Variants in PCDHGB3 observed in about 807,000 individuals in gnomAD.
PCDHGB3 encodes the protein protocadherin gamma subfamily B, 3.
A neutral mutation model predicts 59.2 loss-of-function variants in PCDHGB3; 40 were observed. The ratio of observed to expected loss-of-function variants is 0.68; its 90% confidence interval spans 0.52 to 0.88. The LOEUF (loss-of-function observed/expected upper bound fraction) is 0.88. PCDHGB3 is among the 40% of genes least tolerant of loss of function. PCDHGB3 has a pLI of 0.00. For missense variants in PCDHGB3, 1,309 were observed against 1,187.9 expected, an observed-to-expected ratio of 1.10 and a Z score of -1.50; for synonymous variants, 581 against 503.6, an observed-to-expected ratio of 1.15 and a Z score of -2.06.
chr5:141,376,165 G>T (rs181247360), intron 1 of PCDHGB3: 1 of 1,614,018 alleles, frequency 6.2e-7, no homozygotes, highest in African/African-American at 1.3e-5. Context: ...TGTACCTGGT[G>T]GTGGCGGTGG....
intron 1 of PCDHGB3, chr5:141,385,087 G>C: frequency 6.2e-7 from 1 of 1,614,234 alleles, no homozygotes; most frequent in Non-Finnish European, 8.5e-7. Flanking sequence ...GGCTTCAGAA[G>C]GTGGCTTGGC....
At chr5:141,446,069 C>T (rs552817495) in intron 1 of PCDHGB3, among the ~76,000 whole-genome samples, 1 of 152,102 alleles carries the variant, frequency 6.6e-6, no homozygotes, top group South Asian at 2.1e-4. Flanking sequence ...AAAGGGGAGG[C>T]AGTGGATGTA....
intron 1 of PCDHGB3, chr5:141,410,606 G>C: frequency 1.2e-6 from 2 of 1,607,214 alleles, no homozygotes; most frequent in Non-Finnish European, 1.7e-6. Flanking sequence ...TTCACATCCT[G>C]AGACTCTGAC....
rs761126985 is a variant in PCDHGB3 at position 141,431,245 on chromosome 5, C to G, written c.2415+58436C>G. ...TACCCCACGCCTGGGATCCGGATAT[C>G]GGGAAGAACTCTCTGCAGAGCTACG... is the stretch of plus-strand genomic sequence containing the variant. On this transcript the variant is annotated intron_variant, in intron 1 of 3. Transcript: ENST00000576222. This position sits in a 1 kb window ranked among gnomAD's most constrained non-coding sequence, Gnocchi z 4.8. 1.2e-6 allele frequency: 2 copies of G among 1,614,016 alleles called. No homozygotes were observed. Among genetic ancestry groups the G allele is most frequent in the Non-Finnish European group, 1.7e-6 (2 of 1,180,046 alleles).
intron 1 of PCDHGB3, chr5:141,394,762 G>A: frequency 6.2e-7 from 1 of 1,613,396 alleles, no homozygotes; most frequent in Non-Finnish European, 8.5e-7. Flanking sequence ...CAGGACCATG[G>A]CCAGCCCCCT....
chr5:141,402,955 G>A (rs753305536), intron 1 of PCDHGB3: 3 of 1,601,910 alleles, frequency 1.9e-6, no homozygotes, highest in Non-Finnish European at 2.6e-6. Context: ...AGGCAGCAAT[G>A]GCAGCTCCAA....
chr5:141,505,589 C>T, intron 3 of PCDHGB3, 108 bp downstream of exon 3: 1 of 1,573,272 alleles, frequency 6.4e-7, no homozygotes, highest in Non-Finnish European at 8.6e-7. Context: ...GTAGTTTCTC[C>T]AGATCTTTCG....
At chr5:141,443,442 C>T (rs571341362) in intron 1 of PCDHGB3, among the ~76,000 whole-genome samples, 9 of 152,202 alleles carry the variant, frequency 5.9e-5, no homozygotes, top group East Asian at 1.9e-4. Context: ...GCTGTGGTTG[C>T]GCTCCTGTAC....
intron 1 of PCDHGB3, chr5:141,409,355 A>G (rs778227478): frequency 6.2e-7 from 1 of 1,614,032 alleles, no homozygotes; most frequent in South Asian, 1.1e-5. Flanking sequence ...AGTCAGGTGT[A>G]ATATAGAAAC....
intron 1 of PCDHGB3, among the ~76,000 whole-genome samples, chr5:141,454,222 T>C (rs1411974754): frequency 6.6e-6 from 1 of 152,118 alleles, no homozygotes; most frequent in African/African-American, 2.4e-5. Flanking sequence ...ATGAGAAAAG[T>C]AATTGTGATG....
At chr5:141,390,217 T>C (rs373008153) in intron 1 of PCDHGB3, 21 of 1,613,944 alleles carry the variant, frequency 1.3e-5, no homozygotes, top group Non-Finnish European at 1.8e-5. Flanking sequence ...CAAGACATAC[T>C]TTGCGGTGAT....
rs772328241 is a variant in PCDHGB3 at position 141,491,340 on chromosome 5, C to A, written c.2416-3467C>A. On this transcript the variant is annotated intron_variant, in intron 1 of 3. Coordinates refer to ENST00000576222, the MANE Select transcript of PCDHGB3 (RefSeq NM_018924.5). The surrounding 1 kb of genome is among the most constrained non-coding windows in gnomAD (Gnocchi z 6.9). ...TTTACCTCATTGTGGCTCTAGCGACCGTCAGTCTCTTATCCCTAGTCACCT... is the reference window on the plus strand; with the variant it reads ...TTTACCTCATTGTGGCTCTAGCGACAGTCAGTCTCTTATCCCTAGTCACCT... 4.3e-6 allele frequency: 7 copies of A among 1,614,146 alleles called. No homozygotes were observed. Among genetic ancestry groups the A allele is most frequent in the Non-Finnish European group, 5.9e-6 (7 of 1,180,014 alleles).
chr5:141,426,848 C>A (rs1379697529), intron 1 of PCDHGB3: 1 of 456,670 alleles, frequency 2.2e-6, no homozygotes, highest in Non-Finnish European at 4.4e-6. Context: ...AAGGCAAGAA[C>A]GCTCCAGAAT....
rs1212833348 is a variant in PCDHGB3 at position 141,431,379 on chromosome 5, C to T, written c.2415+58570C>T. On this transcript the variant is annotated intron_variant, in intron 1 of 3. Transcript: ENST00000576222. The surrounding 1 kb of genome is among the most constrained non-coding windows in gnomAD (Gnocchi z 4.8). ...GCCCTGGACCGCGAAGAAAAGGCTG[C>T]TCACCACCTGGTCCTTACGGCCTCC... is the stretch of plus-strand genomic sequence containing the variant. 3 of 1,613,946 alleles carry T rather than the reference C, an allele frequency of 1.9e-6. No individual in the cohort carries two copies. Among genetic ancestry groups the T allele is most frequent in the Non-Finnish European group, 2.5e-6 (3 of 1,180,020 alleles).
chr5:141,376,217 C>T (rs1387510502), intron 1 of PCDHGB3: 1 of 1,614,210 alleles, frequency 6.2e-7, no homozygotes, highest in Non-Finnish European at 8.5e-7. Flanking sequence ...CATCGTGCTG[C>T]TGGCGCTCAG....
chr5:141,496,021 G>C lies in PCDHGB3; in HGVS notation c.2474+1156G>C, dbSNP rs1011612662. Among the ~76,000 whole-genome samples, 3 of 151,454 alleles carry C rather than the reference G, an allele frequency of 2.0e-5. No individual in the cohort carries two copies. The East Asian group carries it at 5.8e-4, about 29-fold the overall frequency. ...CTTTTATCTTGTCTTTTTTCTCTGA[G>C]CCTCTGTCTCTGTCTCTCATTTTTT... On this transcript the variant is annotated intron_variant, in intron 2 of 3. Coordinates refer to ENST00000576222, the MANE Select transcript of PCDHGB3 (RefSeq NM_018924.5).
chr5:141,499,731 C>T (rs2099794093), intron 2 of PCDHGB3, among the ~76,000 whole-genome samples: 1 of 138,132 alleles, frequency 7.2e-6, no homozygotes, highest in African/African-American at 2.7e-5. Context: ...GTCTCACTCT[C>T]TTGCCCAGGC....
At chr5:141,508,806 C>T (rs1243735850) in intron 3 of PCDHGB3, among the ~76,000 whole-genome samples, 1 of 152,066 alleles carries the variant, frequency 6.6e-6, no homozygotes, top group African/African-American at 2.4e-5. Flanking sequence ...AATCCTGGCT[C>T]TTTGAAGCCA....
intron 1 of PCDHGB3, chr5:141,421,172 G>A: frequency 7.3e-7 from 1 of 1,366,164 alleles, no homozygotes; most frequent in Non-Finnish European, 9.8e-7. Context: ...AGATACATAA[G>A]CCGATTCACA....
Sources: gnomAD v4.1 joint callset for allele counts (sites outside exome capture counted in the v4.1 genomes callset) on GRCh38, gnomAD v4.1.1 for gene constraint, Gnocchi (gnomAD v3.1) non-coding constraint, MANE v1.5 for transcripts, NCBI Gene and HGNC (gene_info 2026-07-23, HGNC 2026-07-21) for gene names.